The following PTPRD variants were observed in gnomAD, a reference collection of about 807,000 sequenced individuals.
The protein encoded by PTPRD is protein tyrosine phosphatase receptor type D.
In PTPRD, 34 loss-of-function variants were observed where a neutral mutation model predicts 214.5. That is an observed-to-expected ratio of 0.16 (90% CI 0.12 to 0.21). The LOEUF (loss-of-function observed/expected upper bound fraction) is 0.21. Among genes scored for constraint, PTPRD ranks in the 10% least tolerant of loss-of-function variants. The pLI is 1.00. For synonymous variants in PTPRD, 1,128 were observed against 845.7 expected, an observed-to-expected ratio of 1.33 and a Z score of -5.79; for missense variants, 2,545 against 2,398.7, an observed-to-expected ratio of 1.06 and a Z score of -1.27.
At chr9:10,126,283 T>G (rs1467313783) in intron 3 of PTPRD, among the ~76,000 whole-genome samples, 8 of 152,144 alleles carry the variant, frequency 5.3e-5, no homozygotes, top group Non-Finnish European at 8.8e-5. Context: ...TTACGTATTG[T>G]ACCAGTTATA....
intron 5 of PTPRD, among the ~76,000 whole-genome samples, chr9:9,908,245 T>C (rs1210382755): frequency 2.0e-5 from 3 of 151,988 alleles, no homozygotes; most frequent in Non-Finnish European, 4.4e-5. Flanking sequence ...TCCTGCTCAA[T>C]GTGCCTATGC....
chr9:9,757,600 C>T (rs995056544), intron 6 of PTPRD, among the ~76,000 whole-genome samples: 1 of 151,962 alleles, frequency 6.6e-6, no homozygotes, highest in Non-Finnish European at 1.5e-5. Context: ...ACTTATAACC[C>T]AATCTTCCTA....
intron 19 of PTPRD, among the ~76,000 whole-genome samples, chr9:8,522,326 G>A (rs6477314): frequency 0.17 from 26,580 of 151,984 alleles, 2,774 homozygotes; most frequent in African/African-American, 0.3. Context: ...AGAAATAAAC[G>A]TGAAAGGGGG....
intron 34 of PTPRD, among the ~76,000 whole-genome samples, chr9:8,437,514 C>G (rs2095401752): frequency 6.6e-6 from 1 of 152,168 alleles, no homozygotes; most frequent in South Asian, 2.1e-4. Flanking sequence ...ACGGCACAAT[C>G]AGACACCAAA....
chr9:9,025,938 T>G (rs1254858039), intron 10 of PTPRD, among the ~76,000 whole-genome samples: 2 of 152,026 alleles, frequency 1.3e-5, no homozygotes, highest in East Asian at 3.9e-4. Context: ...CTAGAAATTA[T>G]AGTCCGCTCA....
intron 35 of PTPRD, among the ~76,000 whole-genome samples, chr9:8,434,520 G>A (rs192546518): frequency 6.6e-6 from 1 of 152,308 alleles, no homozygotes; most frequent in East Asian, 1.9e-4. Context: ...AGTGGTGCAT[G>A]ACTATATTAT....
chr9:8,823,269 G>A (rs1401404593), intron 11 of PTPRD, among the ~76,000 whole-genome samples: 2 of 152,000 alleles, frequency 1.3e-5, no homozygotes, highest in East Asian at 3.9e-4. Flanking sequence ...AAAATTCCTG[G>A]ATGATTTCAT....
At chr9:10,234,239 A>T (rs2154358426) in intron 3 of PTPRD, among the ~76,000 whole-genome samples, 1 of 151,884 alleles carries the variant, frequency 6.6e-6, no homozygotes, top group East Asian at 1.9e-4. Context: ...TAAAAAATAA[A>T]TAAAATATGA....
chr9:10,312,276 C>T (rs2096286686), intron 3 of PTPRD, among the ~76,000 whole-genome samples: 1 of 151,952 alleles, frequency 6.6e-6, no homozygotes, highest in East Asian at 1.9e-4. Flanking sequence ...TGGGGCTATC[C>T]ACTCTTCCTC....
intron 27 of PTPRD, among the ~76,000 whole-genome samples, chr9:8,486,787 C>A (rs1411039625): frequency 1.3e-5 from 2 of 152,132 alleles, no homozygotes; most frequent in African/African-American, 2.4e-5. Flanking sequence ...ATAGTATTCA[C>A]AATTGGTTTA....
At chr9:8,949,493 C>G (rs996441979) in intron 11 of PTPRD, among the ~76,000 whole-genome samples, 2 of 105,200 alleles carry the variant, frequency 1.9e-5, no homozygotes, top group Non-Finnish European at 3.8e-5. Context: ...ATAATAATCA[C>G]TTCCATTTAC....
At chr9:9,018,518 T>C (rs1410561636) in intron 11 of PTPRD, among the ~76,000 whole-genome samples, 179 bp downstream of exon 11, 2 of 152,202 alleles carry the variant, frequency 1.3e-5, no homozygotes, top group Non-Finnish European at 2.9e-5. Flanking sequence ...TTTATGTATA[T>C]TTTTTAAGAC....
At chr9:8,553,821 T>C (rs1470080945) in intron 14 of PTPRD, among the ~76,000 whole-genome samples, 1 of 150,990 alleles carries the variant, frequency 6.6e-6, no homozygotes, top group African/African-American at 2.5e-5. Flanking sequence ...CTATCCTAAC[T>C]TAAGGAGATG....
rs762831979 is a variant in PTPRD at position 10,321,538 on chromosome 9, TTGTC to T, written c.-545+19421_-545+19424del. ...ACAAGACAAAGTGGAATGTGGTTGA[TTGTC>T]TGAGTATAGATTTCATTTCAAATCA... is the stretch of plus-strand genomic sequence containing the variant. On this transcript the variant is annotated intron_variant, in intron 3 of 45. Transcript: ENST00000381196. Among the ~76,000 whole-genome samples the T allele has an allele frequency of 4.6e-5, 7 of 152,204 alleles. No homozygotes were observed. In the South Asian group the frequency reaches 1.0e-3, roughly 23 times the overall value.
intron 5 of PTPRD, among the ~76,000 whole-genome samples, chr9:9,878,052 A>G (rs2067430443): frequency 6.6e-6 from 1 of 151,970 alleles, no homozygotes; most frequent in Admixed American, 6.6e-5. Flanking sequence ...TTCAAGTATA[A>G]TCTCACTGAT....
At chr9:9,244,547 T>C (rs985698946) in intron 9 of PTPRD, among the ~76,000 whole-genome samples, 9 of 152,330 alleles carry the variant, frequency 5.9e-5, no homozygotes, top group Non-Finnish European at 1.2e-4. Context: ...AAGGATTCCC[T>C]ATTTAACAAA....
chr9:8,792,497 T>C (rs2096269146), intron 11 of PTPRD, among the ~76,000 whole-genome samples: 2 of 152,208 alleles, frequency 1.3e-5, no homozygotes, highest in African/African-American at 4.8e-5. Context: ...TTCAGTTCCA[T>C]TTTTGAGGAA....
intron 9 of PTPRD, among the ~76,000 whole-genome samples, chr9:9,352,004 T>C (rs906869454): frequency 6.6e-6 from 1 of 152,054 alleles, no homozygotes; most frequent in African/African-American, 2.4e-5. Flanking sequence ...AATAAAAGAA[T>C]ACTATATTGT....
At chr9:10,285,272 C>T (rs984793249) in intron 3 of PTPRD, among the ~76,000 whole-genome samples, 1 of 124,300 alleles carries the variant, frequency 8.0e-6, no homozygotes, top group Non-Finnish European at 1.5e-5. Flanking sequence ...CTTGTTTTCA[C>T]GTGAGAAAAT....
Sources: allele counts gnomAD v4.1 joint callset (sites outside exome capture counted in the v4.1 genomes callset), GRCh38; gene constraint gnomAD v4.1.1; transcripts MANE v1.5; gene names NCBI Gene and HGNC (gene_info 2026-07-23, HGNC 2026-07-21).